SNRPC: variants seen among roughly 807,000 people sequenced by gnomAD.
SNRPC encodes the protein U1 small nuclear ribonucleoprotein C.
In SNRPC, 5 loss-of-function variants were observed where a neutral mutation model predicts 20.0. That is an observed-to-expected ratio of 0.25 (90% confidence interval 0.13 to 0.53). The LOEUF (loss-of-function observed/expected upper bound fraction) is 0.53, where lower values mean the gene tolerates loss of function less well. Ranked by LOEUF, SNRPC falls within the 20% of genes least tolerant of loss-of-function variation. The pLI, the probability that SNRPC is intolerant of heterozygous loss-of-function variation, is 0.96. For missense variants in SNRPC, 112 were observed against 224.1 expected (o/e 0.50, Z 3.19); for synonymous variants, 61 against 58.7 (o/e 1.04, Z -0.18).
intron 3 of SNRPC, among the ~76,000 whole-genome samples, chr6:34,764,482 C>CA (rs201436849): frequency 0.12 from 18,159 of 147,742 alleles, 1,273 homozygotes; most frequent in African/African-American, 0.19. Context: ...GTCTCAAAAA[C>CA]AAACAAAAAA....
intron 2 of SNRPC, among the ~76,000 whole-genome samples, chr6:34,758,911 T>G (rs1007294073): frequency 8.7e-5 from 13 of 149,664 alleles, no homozygotes; most frequent in Admixed American, 2.7e-4. Context: ...TCCCAGCTAC[T>G]CGGGAGGCTG....
chr6:34,773,827 CTG>C lies in SNRPC; in HGVS notation c.*261_*262del, dbSNP rs1764721638. The C allele has an allele frequency of 3.2e-6, 1 of 313,940 alleles. No homozygotes were observed. Among genetic ancestry groups the C allele is most frequent in the Admixed American group, 4.4e-5 (1 of 22,938 alleles). 19.4% of individuals were successfully genotyped at this position (313,940 alleles called of 1,614,324 possible). On this transcript the variant is annotated 3_prime_UTR_variant, in exon 6 of 6. Coordinates refer to ENST00000244520, the MANE Select transcript of SNRPC (RefSeq NM_003093.3). The surrounding 1 kb of genome is among the most constrained non-coding windows in gnomAD (Gnocchi z 4.1). Reference sequence around the variant, plus strand: ...CCCTTTTTCCTCCTCTCTGTGTTCTCTGTGTATTATAAAAGAAATGAAACATT... The same window carrying C: ...CCCTTTTTCCTCCTCTCTGTGTTCTCTGTATTATAAAAGAAATGAAACATT...
intron 2 of SNRPC, among the ~76,000 whole-genome samples, chr6:34,760,465 C>G (rs562388624): frequency 6.6e-6 from 1 of 152,144 alleles, no homozygotes; most frequent in East Asian, 1.9e-4. Context: ...TTATAGGTCC[C>G]TAGTCCTTTT....
chr6:34,768,461 T>A (rs1764642755), intron 4 of SNRPC, among the ~76,000 whole-genome samples: 2 of 152,130 alleles, frequency 1.3e-5, no homozygotes, highest in African/African-American at 4.8e-5. Context: ...CTTAGAAAGA[T>A]AAGAATTAGG....
At chr6:34,764,367 T>C (rs1002910017) in intron 3 of SNRPC, among the ~76,000 whole-genome samples, 1 of 151,788 alleles carries the variant, frequency 6.6e-6, no homozygotes, top group Non-Finnish European at 1.5e-5. Flanking sequence ...TCCCAGCTAC[T>C]TGGGAGGCTG....
intron 1 of SNRPC, 76 bp downstream of exon 1, chr6:34,757,627 C>G: frequency 6.6e-7 from 1 of 1,516,602 alleles, no homozygotes; most frequent in Middle Eastern, 1.7e-4. Context: ...AGAGCGGGTT[C>G]TGGTTTCTGA....
At chr6:34,769,591 A>G (rs1764660570) in intron 4 of SNRPC, among the ~76,000 whole-genome samples, 1 of 152,232 alleles carries the variant, frequency 6.6e-6, no homozygotes, top group South Asian at 2.1e-4. Flanking sequence ...TTTTCAAAGA[A>G]TCTTTTAAAA....
rs1764633640 is a variant in SNRPC at position 34,767,888 on chromosome 6, T to TA, written c.161-20_161-19insA. The TA allele has an allele frequency of 6.6e-7, 1 of 1,507,388 alleles. No individual in the cohort carries two copies. The highest frequency in any genetic ancestry group is 2.4e-5 in the Admixed American group (1 of 42,354). 93.4% of individuals were successfully genotyped at this position (1,507,388 alleles called of 1,614,324 possible). ...ATTCTTATTCATCTTTTTTTTTTTT[T>TA]TTTTCCTCACCCTCCAAAGCGGCTG... On this transcript the variant is annotated intron_variant, in intron 3 of 5. Transcript: ENST00000244520.
chr6:34,766,507 C>T (rs1764616028), intron 3 of SNRPC, among the ~76,000 whole-genome samples: 2 of 152,176 alleles, frequency 1.3e-5, no homozygotes, highest in Admixed American at 6.6e-5. Context: ...CTTGAATACA[C>T]GTTTTTGTTT....
chr6:34,758,450 G>T (rs534208512), intron 2 of SNRPC, among the ~76,000 whole-genome samples: 1 of 152,166 alleles, frequency 6.6e-6, no homozygotes, highest in East Asian at 1.9e-4. Flanking sequence ...CGAGTAGCTG[G>T]GATTACAGGC....
intron 3 of SNRPC, among the ~76,000 whole-genome samples, chr6:34,766,557 G>A (rs560105213): frequency 1.3e-4 from 20 of 152,280 alleles, no homozygotes; most frequent in Non-Finnish European, 2.6e-4. Context: ...TTTAGTGGAG[G>A]ACTTTTTGAG....
intron 4 of SNRPC, among the ~76,000 whole-genome samples, chr6:34,768,753 CA>C (rs11284276): frequency 0.38 from 36,615 of 97,234 alleles, 5,762 homozygotes; most frequent in African/African-American, 0.53. Flanking sequence ...GACTTTGTCT[CA>C]AAAAAAAAAA....
At chr6:34,769,062 G>A (rs1391642522) in intron 4 of SNRPC, among the ~76,000 whole-genome samples, 2 of 152,016 alleles carry the variant, frequency 1.3e-5, no homozygotes, top group African/African-American at 4.8e-5. Context: ...CCTTTTCTGG[G>A]CACCTGCCAT....
intron 2 of SNRPC, 98 bp downstream of exon 2, chr6:34,758,052 T>C (rs1764477459): frequency 7.6e-7 from 1 of 1,309,982 alleles, no homozygotes; most frequent in East Asian, 2.3e-5. Context: ...CTTTCCCACC[T>C]GCTGAGGTTT....
At chr6:34,764,089 A>G (rs1041361755) in intron 3 of SNRPC, among the ~76,000 whole-genome samples, 3 of 151,892 alleles carry the variant, frequency 2.0e-5, no homozygotes, top group African/African-American at 7.3e-5. Flanking sequence ...TACGCCTGTA[A>G]TCTCAGCACT....
intron 3 of SNRPC, 29 bp from the exon 4 acceptor site, chr6:34,767,875 CTTTT>C (rs371572218): frequency 4.0e-4 from 540 of 1,339,036 alleles, no homozygotes; most frequent in Middle Eastern, 9.3e-4. Context: ...TCTTATTCAT[CTTTT>C]TTTTTTTTTT....
At chr6:34,764,524 A>C (rs1362334582) in intron 3 of SNRPC, among the ~76,000 whole-genome samples, 1 of 146,280 alleles carries the variant, frequency 6.8e-6, no homozygotes, top group Non-Finnish European at 1.5e-5. Context: ...TCAGACGGGC[A>C]TGGTGGTGCG....
chr6:34,769,949 G>T (rs576360800), intron 4 of SNRPC, among the ~76,000 whole-genome samples: 8 of 152,324 alleles, frequency 5.3e-5, no homozygotes, highest in Middle Eastern at 6.8e-3. Flanking sequence ...GTTGCTGGGC[G>T]CAGTGGCTCA....
intron 3 of SNRPC, among the ~76,000 whole-genome samples, chr6:34,764,369 G>A (rs956151391): frequency 2.0e-5 from 3 of 152,108 alleles, no homozygotes; most frequent in Middle Eastern, 3.4e-3. Context: ...CCAGCTACTT[G>A]GGAGGCTGAG....
Sources: gnomAD v4.1 joint callset for allele counts (sites outside exome capture counted in the v4.1 genomes callset) on GRCh38, gnomAD v4.1.1 for gene constraint, Gnocchi (gnomAD v3.1) non-coding constraint, MANE v1.5 for transcripts, NCBI Gene and HGNC (gene_info 2026-07-23, HGNC 2026-07-21) for gene names.